PARD3B: variants seen among roughly 807,000 people sequenced by gnomAD.
PARD3B encodes partitioning defective 3 homolog B.
A neutral mutation model predicts 130.2 loss-of-function variants in PARD3B; 103 were observed. That is an observed-to-expected ratio of 0.79 (90% CI 0.67 to 0.93). The LOEUF (loss-of-function observed/expected upper bound fraction) is 0.93. Among genes scored for constraint, PARD3B ranks in the 40% least tolerant of loss-of-function variants. The pLI is 0.00. For synonymous variants in PARD3B, 583 were observed against 553.2 expected, an observed-to-expected ratio of 1.05 and a Z score of -0.76; for missense variants, 1,609 against 1,499.2, an observed-to-expected ratio of 1.07 and a Z score of -1.21.
At chr2:205,193,151 T>C in intron 14 of PARD3B, 54 bp from the exon 15 acceptor site, 1 of 1,343,396 alleles carries the variant, frequency 7.4e-7, no homozygotes, top group South Asian at 1.2e-5. Flanking sequence ...GCTTCCTCAT[T>C]TTTTAAAAGA....
At chr2:204,753,426 C>A (rs1428816955) in intron 2 of PARD3B, among the ~76,000 whole-genome samples, 1 of 152,058 alleles carries the variant, frequency 6.6e-6, no homozygotes, top group African/African-American at 2.4e-5. Flanking sequence ...AAAAATACTG[C>A]AGGTATTATA....
At chr2:204,928,869 T>A (rs1363207622) in intron 2 of PARD3B, among the ~76,000 whole-genome samples, 2 of 152,090 alleles carry the variant, frequency 1.3e-5, no homozygotes, top group South Asian at 2.1e-4. Flanking sequence ...ACTGACAAAA[T>A]GGAGCAGGTG....
intron 2 of PARD3B, among the ~76,000 whole-genome samples, chr2:204,858,064 A>T (rs1384813928): frequency 6.6e-6 from 1 of 152,186 alleles, no homozygotes; most frequent in Non-Finnish European, 1.5e-5. Flanking sequence ...GTATAAATGG[A>T]TACAATAGTG....
chr2:205,076,144 G>A (rs1360982821), intron 4 of PARD3B, among the ~76,000 whole-genome samples: 1 of 152,146 alleles, frequency 6.6e-6, no homozygotes, highest in Admixed American at 6.5e-5. Context: ...GTTCTGAAGT[G>A]CAGGTTTAGA....
chr2:204,563,384 T>A (rs1465738286), intron 1 of PARD3B, among the ~76,000 whole-genome samples: 1 of 151,770 alleles, frequency 6.6e-6, no homozygotes, highest in Non-Finnish European at 1.5e-5. Context: ...GTCACATTCA[T>A]AGGTATGGGT....
chr2:205,475,235 G>A (rs1049058398), intron 20 of PARD3B, among the ~76,000 whole-genome samples: 3 of 152,082 alleles, frequency 2.0e-5, no homozygotes, highest in Admixed American at 1.3e-4. Flanking sequence ...GATTGTGAAA[G>A]AAATGTCACA....
intron 2 of PARD3B, among the ~76,000 whole-genome samples, chr2:204,725,526 C>T (rs957003673): frequency 6.6e-6 from 1 of 152,136 alleles, no homozygotes; most frequent in Non-Finnish European, 1.5e-5. Context: ...TACCTTAGAA[C>T]TATAATCAAG....
intron 2 of PARD3B, among the ~76,000 whole-genome samples, chr2:204,800,950 A>G (rs1401460903): frequency 3.3e-5 from 5 of 152,188 alleles, no homozygotes; most frequent in Admixed American, 6.5e-5. Context: ...TTTTCCCAAC[A>G]GTATTTATTA....
At chr2:205,431,422 G>A (rs1039923013) in intron 19 of PARD3B, among the ~76,000 whole-genome samples, 2 of 152,044 alleles carry the variant, frequency 1.3e-5, no homozygotes, top group Non-Finnish European at 2.9e-5. Context: ...GTATATGGGA[G>A]CTCATTGTGC....
intron 21 of PARD3B, among the ~76,000 whole-genome samples, chr2:205,542,949 G>A (rs1452359566): frequency 2.0e-5 from 3 of 152,168 alleles, no homozygotes; most frequent in Admixed American, 2.0e-4. Flanking sequence ...TGAGGGTAAA[G>A]CTCCCTTTAA....
At chr2:204,927,047 G>A (rs549135045) in intron 2 of PARD3B, among the ~76,000 whole-genome samples, 10 of 152,086 alleles carry the variant, frequency 6.6e-5, no homozygotes, top group Admixed American at 1.3e-4. Flanking sequence ...TCCAAAGATG[G>A]GATTAGAAAA....
chr2:205,069,253 C>T (rs1398650947), intron 4 of PARD3B, among the ~76,000 whole-genome samples: 5 of 151,900 alleles, frequency 3.3e-5, no homozygotes, highest in African/African-American at 1.2e-4. Context: ...CATTTGCAAC[C>T]ACTTGTTTGT....
intron 3 of PARD3B, among the ~76,000 whole-genome samples, chr2:204,987,956 G>T (rs1389573924): frequency 6.6e-6 from 1 of 152,092 alleles, no homozygotes; most frequent in Admixed American, 6.6e-5. Context: ...GATTGTTGAT[G>T]TGGAAATGAA....
chr2:204,816,721 A>G (rs1205613488), intron 2 of PARD3B, among the ~76,000 whole-genome samples: 1 of 151,560 alleles, frequency 6.6e-6, no homozygotes, highest in African/African-American at 2.4e-5. Flanking sequence ...TTGTATCCCC[A>G]TATAGTTTTA....
intron 2 of PARD3B, among the ~76,000 whole-genome samples, chr2:204,700,752 T>C (rs982992603): frequency 6.6e-6 from 1 of 152,124 alleles, no homozygotes; most frequent in South Asian, 2.1e-4. Context: ...GATTTTCTTA[T>C]TGTATTTGAG....
intron 16 of PARD3B, among the ~76,000 whole-genome samples, chr2:205,299,756 G>T (rs1454130629): frequency 6.6e-6 from 1 of 152,078 alleles, no homozygotes; most frequent in East Asian, 1.9e-4. Context: ...TTCAAATTCA[G>T]TTGTGCTCTA....
chr2:205,293,570 A>C (rs933226400), intron 16 of PARD3B: 10 of 152,174 alleles, frequency 6.6e-5, no homozygotes, highest in African/African-American at 2.2e-4. Flanking sequence ...TTACAAAGAT[A>C]AGTTAAGCAA....
chr2:204,991,298 T>G (rs915195893), intron 3 of PARD3B, among the ~76,000 whole-genome samples: 6 of 143,888 alleles, frequency 4.2e-5, no homozygotes, highest in South Asian at 2.4e-4. Context: ...CATTGTTCAA[T>G]TCCCACCTAT....
intron 1 of PARD3B, among the ~76,000 whole-genome samples, chr2:204,587,862 C>G (rs575927775): frequency 3.4e-4 from 52 of 152,262 alleles, no homozygotes; most frequent in African/African-American, 1.2e-3. Context: ...TGAATGGGTT[C>G]TTATGAGATC....
Sources: allele counts gnomAD v4.1 joint callset (sites outside exome capture counted in the v4.1 genomes callset), GRCh38; gene constraint gnomAD v4.1.1; transcripts MANE v1.5; gene names NCBI Gene and HGNC (gene_info 2026-07-23, HGNC 2026-07-21).